Variants in ATP10A observed in about 807,000 individuals in gnomAD.
ATP10A encodes the protein ATPase phospholipid transporting 10A (putative).
ATP10A carries 111 observed loss-of-function variants against 147.8 expected under a neutral mutation model. The ratio of observed to expected loss-of-function variants is 0.75; its 90% CI spans 0.64 to 0.88. The LOEUF (loss-of-function observed/expected upper bound fraction) is 0.88, where lower values mean the gene tolerates loss of function less well. Among genes scored for constraint, ATP10A ranks in the 40% least tolerant of loss-of-function variants. The probability of loss-of-function intolerance (pLI) is 0.00; values close to 1 mark genes in which losing one functional copy is unlikely to be tolerated. For missense variants in ATP10A, 1,927 were observed against 1,959.0 expected, an observed-to-expected ratio of 0.98 and a Z score of 0.31; for synonymous variants, 875 against 841.6, an observed-to-expected ratio of 1.04 and a Z score of -0.69.
At chr15:25,774,240 C>G (rs1567373794) in intron 2 of ATP10A, among the ~76,000 whole-genome samples, 1 of 152,154 alleles carries the variant, frequency 6.6e-6, no homozygotes, top group Admixed American at 6.5e-5. Context: ...ATATTTCAGA[C>G]TAGCCAAATT....
chr15:25,721,916 G>C lies in ATP10A; in HGVS notation c.1111-7C>G. The C allele has an allele frequency of 1.9e-6, 3 of 1,609,148 alleles. No individual in the cohort carries two copies. Among genetic ancestry groups the C allele is most frequent in the Non-Finnish European group, 2.6e-6 (3 of 1,175,766 alleles). ...AGGAAATTGGGATCAAAACCTGGAA[G>C]AGACAAGGCACACAGGATGAATGAC... On this transcript the variant is annotated splice_region_variant and splice_polypyrimidine_tract_variant and intron_variant, in intron 6 of 20. Coordinates refer to ENST00000555815, the MANE Select transcript of ATP10A (RefSeq NM_024490.4).
intron 2 of ATP10A, among the ~76,000 whole-genome samples, chr15:25,741,195 C>G: frequency 6.6e-6 from 1 of 152,212 alleles, no homozygotes; most frequent in East Asian, 1.9e-4. Flanking sequence ...AGCACAGGTA[C>G]TCTGTGCCCT....
chr15:25,677,027 C>G (rs1003839768), downstream of ATP10A, among the ~76,000 whole-genome samples: 3 of 152,002 alleles, frequency 2.0e-5, no homozygotes, highest in Admixed American at 1.3e-4. Context: ...TGCCAGGGAT[C>G]CAAAGTGAAG....
chr15:25,731,514 T>C (rs1319054129), intron 3 of ATP10A, among the ~76,000 whole-genome samples: 2 of 152,194 alleles, frequency 1.3e-5, no homozygotes, highest in African/African-American at 2.4e-5. Context: ...GTTTGATTGA[T>C]TTGTGGCTTC....
At chr15:25,731,379 C>A (rs540467083) in intron 3 of ATP10A, among the ~76,000 whole-genome samples, 2 of 152,294 alleles carry the variant, frequency 1.3e-5, no homozygotes, top group African/African-American at 4.8e-5. Context: ...GTATATAAAG[C>A]AAACATTGAC....
In ATP10A at chr15:25,708,258, G is replaced by A. The variant is rs200076031; in HGVS notation, c.2387C>T (p.Thr796Ile). The A allele has an allele frequency of 4.6e-5, 74 of 1,614,196 alleles. No individual in the cohort carries two copies. Among genetic ancestry groups the A allele is most frequent in the Non-Finnish European group, 6.0e-5 (71 of 1,180,036 alleles). The change falls in exon 11 of 21, where the codon ACT becomes ATT. Residue 796 changes from threonine to isoleucine, a missense_variant. Coordinates refer to ENST00000555815, the MANE Select transcript of ATP10A (RefSeq NM_024490.4). ...GRHQKKIRSKTQNYLNVYAAE... is the reference protein window; with the variant it reads ...GRHQKKIRSKIQNYLNVYAAE... Reference sequence around the variant, plus strand: ...CGCATACACGTTGAGGTAATTCTGAGTTTTGCTCCGAATCTTTTTTTGATG... The same window carrying A: ...CGCATACACGTTGAGGTAATTCTGAATTTTGCTCCGAATCTTTTTTTGATG...
intron 17 of ATP10A, 45 bp from the exon 18 acceptor site, chr15:25,681,119 A>G (rs1255506887): frequency 1.3e-6 from 2 of 1,569,712 alleles, no homozygotes; most frequent in East Asian, 4.5e-5. Flanking sequence ...AAGCATTGGC[A>G]TCCTCTGTGA....
chr15:25,686,309 C>A (rs1899712760), intron 16 of ATP10A, among the ~76,000 whole-genome samples: 1 of 46,796 alleles, frequency 2.1e-5, no homozygotes, highest in Non-Finnish European at 3.3e-5. Flanking sequence ...TGAGACCCTG[C>A]CTCTACAAAA....
rs745332199 is a variant in ATP10A at position 25,679,422 on chromosome 15, G to C, written c.4419C>G (p.Val1473=). 1 of 1,613,774 alleles carries C rather than the reference G, an allele frequency of 6.2e-7. No individual in the cohort carries two copies. Among genetic ancestry groups the C allele is most frequent in the East Asian group, 2.2e-5 (1 of 44,858 alleles). The change falls in exon 21 of 21, where the codon GTC becomes GTG. Residue 1473 remains valine, a synonymous_variant. Transcript: ENST00000555815. The part of the protein sequence containing the change: ...ADGQAGRGLP[V]QPHSGRSGLQ... The stretch of plus-strand genomic sequence containing the variant: ...GTCCTGATCGGCCTGAGTGGGGCTG[G>C]ACAGGAAGTCCACGTCCCGCTTGTC...
rs1188787175 is a variant in ATP10A at position 25,680,150 on chromosome 15, C to T, written c.3837G>A (p.Leu1279=). The part of the protein sequence containing the change: ...LGDPVFYLTC[L]MTPVAALLPR... ...GCAGCAGTGCAGCGACAGGCGTCAT[C>T]AGGCAAGTCAAGTAAAACACTGGGT... Residue 1279 remains leucine (L), a synonymous_variant, in exon 20 of 21, where the codon CTG becomes CTA. Coordinates refer to ENST00000555815, the MANE Select transcript of ATP10A (RefSeq NM_024490.4). 3.7e-6 allele frequency: 6 copies of T among 1,613,910 alleles called. No individual in the cohort carries two copies. Among genetic ancestry groups the T allele is most frequent in the African/African-American group, 2.7e-5 (2 of 74,914 alleles).
intron 2 of ATP10A, 141 bp downstream of exon 2, chr15:25,780,878 A>G: frequency 1.1e-6 from 1 of 870,410 alleles, no homozygotes; most frequent in Non-Finnish European, 1.8e-6. Flanking sequence ...GGGTCCTCTC[A>G]GACCCTCAGA....
intron 2 of ATP10A, among the ~76,000 whole-genome samples, chr15:25,750,584 A>G (rs1170096207): frequency 6.6e-6 from 1 of 152,124 alleles, no homozygotes; most frequent in African/African-American, 2.4e-5. Flanking sequence ...CTTAAGCTCT[A>G]GGTGATTTTA....
chr15:25,791,849 T>C (rs547466951), intron 1 of ATP10A, among the ~76,000 whole-genome samples: 2 of 152,340 alleles, frequency 1.3e-5, no homozygotes, highest in South Asian at 4.1e-4. Context: ...TGTAGCATAA[T>C]TTTGTTATAT....
At chr15:25,781,316 T>C in intron 1 of ATP10A, 93 bp from the exon 2 acceptor site, 1 of 1,094,116 alleles carries the variant, frequency 9.1e-7, no homozygotes, top group Non-Finnish European at 1.3e-6. Flanking sequence ...GGCAATTCTT[T>C]CTACATTTGC....
At chr15:25,770,703 C>T (rs1889288273) in intron 2 of ATP10A, among the ~76,000 whole-genome samples, 1 of 152,160 alleles carries the variant, frequency 6.6e-6, no homozygotes, top group Non-Finnish European at 1.5e-5. Flanking sequence ...ACTGGCATTA[C>T]TCATCATCCA....
At chr15:25,794,340 C>G (rs997296622) in intron 1 of ATP10A, among the ~76,000 whole-genome samples, 1 of 151,854 alleles carries the variant, frequency 6.6e-6, no homozygotes, top group Admixed American at 6.6e-5. Flanking sequence ...AAAGCAACCT[C>G]TTTAATAAAT....
chr15:25,777,445 G>T (rs1386834261), intron 2 of ATP10A, among the ~76,000 whole-genome samples: 7 of 152,060 alleles, frequency 4.6e-5, no homozygotes, highest in African/African-American at 1.7e-4. Flanking sequence ...CTTCTAGCAA[G>T]TTCCACCAGT....
intron 2 of ATP10A, among the ~76,000 whole-genome samples, chr15:25,780,701 A>G (rs1169100458): frequency 1.3e-5 from 2 of 152,226 alleles, no homozygotes; most frequent in Non-Finnish European, 2.9e-5. Context: ...AACCAGTGAA[A>G]CAGCTAGGTA....
At chr15:25,806,919 G>A (rs940734330) in intron 1 of ATP10A, among the ~76,000 whole-genome samples, 3 of 152,148 alleles carry the variant, frequency 2.0e-5, no homozygotes, top group East Asian at 3.9e-4. Flanking sequence ...CCTTTCTCCA[G>A]AAACTGAAGG....
Sources: gnomAD v4.1 joint callset for allele counts (sites outside exome capture counted in the v4.1 genomes callset) on GRCh38, gnomAD v4.1.1 for gene constraint, MANE v1.5 for transcripts, NCBI Gene and HGNC (gene_info 2026-07-23, HGNC 2026-07-21) for gene names.